Variants in TMED7 observed in about 807,000 individuals in gnomAD.
TMED7 encodes transmembrane emp24 domain-containing protein 7.
In TMED7, 8 loss-of-function variants were observed where a neutral mutation model predicts 23.4. The ratio of observed to expected loss-of-function variants is 0.34; its 90% CI spans 0.20 to 0.62. The LOEUF is 0.62. Among genes scored for constraint, TMED7 ranks in the 20% least tolerant of loss-of-function variants. The pLI is 0.77. For missense variants in TMED7, 232 were observed against 279.1 expected (o/e 0.83, Z 1.20); for synonymous variants, 121 against 108.5 (o/e 1.12, Z -0.72).
rs979484830 is a variant in TMED7 at position 115,614,818 on chromosome 5, T to C, written c.*1391A>G. The C allele has an allele frequency of 6.6e-6, 1 of 152,028 alleles. No individual in the cohort carries two copies. Among genetic ancestry groups the C allele is most frequent in the Non-Finnish European group, 1.5e-5 (1 of 67,954 alleles). The allele number at this position is 152,028 out of a possible 1,614,324, so 9.4% of individuals were successfully genotyped here. On this transcript the variant is annotated 3_prime_UTR_variant, in exon 3 of 3. Coordinates refer to ENST00000456936, the MANE Select transcript of TMED7 (RefSeq NM_181836.6). ...ACTAGGATGGCTATCCAATCAGTAT[T>C]CTATGGTATCACATACCAAAGTCTC...
At chr5:115,622,351 T>C (rs1263535716) in intron 1 of TMED7, among the ~76,000 whole-genome samples, 1 of 152,180 alleles carries the variant, frequency 6.6e-6, no homozygotes, top group East Asian at 1.9e-4. Flanking sequence ...ATCCATATGA[T>C]CACACAAATC....
chr5:115,622,387 T>C (rs1044897879), intron 1 of TMED7, among the ~76,000 whole-genome samples: 1 of 152,186 alleles, frequency 6.6e-6, no homozygotes, highest in Non-Finnish European at 1.5e-5. Context: ...CCCTCTCAAA[T>C]TCATCGCATT....
chr5:115,625,757 G>T lies in TMED7; in HGVS notation c.36C>A (p.Ala12=), dbSNP rs767710452. Residue 12 remains alanine (A), a synonymous_variant, in exon 1 of 3, where the codon GCC becomes GCA. Coordinates refer to ENST00000456936, the MANE Select transcript of TMED7 (RefSeq NM_181836.6). ...PRPGSAQRWA[A]VAGRWGCRLL... ...GCCTGCACCCCCAACGGCCCGCGAC[G>T]GCCGCCCAGCGCTGCGCGGACCCCG... 6 of 1,535,976 alleles carry T rather than the reference G, an allele frequency of 3.9e-6. No individual in the cohort carries two copies. The highest frequency in any genetic ancestry group is 2.6e-5 in the East Asian group (1 of 38,418).
rs537786898 is a variant in TMED7 at position 115,615,317 on chromosome 5, A to C, written c.*892T>G. 2.6e-5 allele frequency: 4 copies of C among 152,718 alleles called. No homozygotes were observed. Among genetic ancestry groups the C allele is most frequent in the African/African-American group, 4.8e-5 (2 of 41,578 alleles). 9.5% of individuals were successfully genotyped at this position (152,718 alleles called of 1,614,324 possible). A position where few individuals can be genotyped will look rare whatever the true frequency, so the allele number is the denominator to read the frequency against. ...TGTGAGACTAATACTAACAATTGTT[A>C]ATTTAAGCTGGGAATGACTCACAGA... On this transcript the variant is annotated 3_prime_UTR_variant, in exon 3 of 3. Transcript: ENST00000456936.
chr5:115,620,452 C>A lies in TMED7; in HGVS notation c.421G>T (p.Val141Phe). The A allele has an allele frequency of 1.3e-6, 2 of 1,543,080 alleles. No homozygotes were observed. The highest frequency in any genetic ancestry group is 1.3e-5 in the South Asian group (1 of 78,896). ...TTATTTACCTGGGTAAGAGCACTGA[C>A]TCGGTTCTCACTAGGAAACAAAGGT... ...DPPLFPSENR[V>F]SALTQMESAC... Residue 141 changes from valine (V) to phenylalanine (F), a missense_variant, in exon 2 of 3, where the codon GTC (valine) becomes TTC (phenylalanine). Val to Phe is a conservative substitution (Grantham distance 50). Coordinates refer to ENST00000456936, the MANE Select transcript of TMED7 (RefSeq NM_181836.6).
At position 115,621,280 on chromosome 5, in the gene TMED7, T is replaced by C. The variant is rs7341161; in HGVS notation, c.193-600A>G. Among the ~76,000 whole-genome samples, 1,348 of 152,318 alleles carry C rather than the reference T, an allele frequency of 8.8e-3. 15 individuals carry two copies. Among genetic ancestry groups the C allele is most frequent in the African/African-American group, 0.031 (1,284 of 41,572 alleles). On this transcript the variant is annotated intron_variant, in intron 1 of 2. Coordinates refer to ENST00000456936, the MANE Select transcript of TMED7 (RefSeq NM_181836.6). Reference sequence around the variant, plus strand: ...CAAATAGATTACATTTATTAAGTTCTTTTATAGTCAGTTATATGGAATTTG... The same window carrying C: ...CAAATAGATTACATTTATTAAGTTCCTTTATAGTCAGTTATATGGAATTTG...
At chr5:115,618,410 T>G (rs146556989) in intron 2 of TMED7, among the ~76,000 whole-genome samples, 1 of 152,224 alleles carries the variant, frequency 6.6e-6, no homozygotes, top group Non-Finnish European at 1.5e-5. Context: ...TGTTTCAAAG[T>G]TGGTTTTCAA....
rs1028982231 is a variant in TMED7, at chr5:115,613,959, A to G, written c.*2250T>C. 6.6e-6 allele frequency: 1 copy of G among 152,564 alleles called. No individual in the cohort carries two copies. The highest frequency in any genetic ancestry group is 2.4e-5 in the African/African-American group (1 of 41,450). 9.5% of individuals were successfully genotyped at this position (152,564 alleles called of 1,614,324 possible). A position where few individuals can be genotyped will look rare whatever the true frequency, so the allele number is the denominator to read the frequency against. On this transcript the variant is annotated 3_prime_UTR_variant, in exon 3 of 3. Coordinates refer to ENST00000456936, the MANE Select transcript of TMED7 (RefSeq NM_181836.6). Reference sequence around the variant, plus strand: ...TACTTTAAAAATATATACAACTATGATGTTCAAATATGTATTCTGAGCCAT... The same window carrying G: ...TACTTTAAAAATATATACAACTATGGTGTTCAAATATGTATTCTGAGCCAT...
chr5:115,623,340 C>T (rs1188155905), intron 1 of TMED7, among the ~76,000 whole-genome samples: 3 of 152,206 alleles, frequency 2.0e-5, no homozygotes, highest in Admixed American at 2.0e-4. Context: ...AGGCATATTC[C>T]TGCTACGCAG....
At chr5:115,622,776 T>C (rs1216069699) in intron 1 of TMED7, among the ~76,000 whole-genome samples, 1 of 152,232 alleles carries the variant, frequency 6.6e-6, no homozygotes. Context: ...TCACATGTTC[T>C]TCCTCCCAGG....
Position 115,616,353 on chromosome 5 carries a change from G to C in TMED7, c.531C>G (p.Ser177Arg). The C allele has an allele frequency of 1.2e-6, 2 of 1,614,142 alleles. No individual in the cohort carries two copies. The highest frequency in any genetic ancestry group is 1.7e-6 in the Non-Finnish European group (2 of 1,180,002). ...CTCTTGTATTTAGATCCTCTGCTCG[G>C]CTTCGGCCTTGAGCTTCTCTTAAAC... The part of the protein sequence containing the change: ...HFRLREAQGR[S>R]RAEDLNTRVA... The change falls in exon 3 of 3, where the codon AGC becomes AGG. Residue 177 changes from serine (S) to arginine (R), a missense_variant. Transcript: ENST00000456936.
chr5:115,619,298 A>G (rs1217937409), intron 2 of TMED7: 1 of 152,212 alleles, frequency 6.6e-6, no homozygotes, highest in East Asian at 1.9e-4. Context: ...GTATTTGAAT[A>G]TATCTTGCTA....
In TMED7 at chr5:115,613,217, C is replaced by T. The variant is rs1401530530; in HGVS notation, c.*2992G>A. 6.6e-6 allele frequency among the ~76,000 whole-genome samples: 1 copy of T among 152,096 alleles called. No homozygotes were observed. The highest frequency in any genetic ancestry group is 1.9e-4 in the East Asian group (1 of 5,198). ...AACACTGATACAACTGGGTAATATA[C>T]AAACTAAAGGTAATTTACTTAAAAA... On this transcript the variant is annotated 3_prime_UTR_variant, in exon 3 of 3. Coordinates refer to ENST00000456936, the MANE Select transcript of TMED7 (RefSeq NM_181836.6).
At chr5:115,624,787 T>C (rs533501409) in intron 1 of TMED7, among the ~76,000 whole-genome samples, 2 of 152,336 alleles carry the variant, frequency 1.3e-5, no homozygotes, top group South Asian at 2.1e-4. Flanking sequence ...TAAAATAATT[T>C]TCCAAAGGAA....
intron 2 of TMED7, among the ~76,000 whole-genome samples, chr5:115,617,899 TTCTCCTGCCTCAG>T (rs1756847847): frequency 6.6e-6 from 1 of 152,202 alleles, no homozygotes; most frequent in African/African-American, 2.4e-5. Flanking sequence ...GTTCAAGTGA[TTCTCCTGCCTCAG>T]CCTCCTGAGT....
At chr5:115,621,572 T>C (rs993979981) in intron 1 of TMED7, among the ~76,000 whole-genome samples, 2 of 152,182 alleles carry the variant, frequency 1.3e-5, no homozygotes, top group African/African-American at 2.4e-5. Context: ...GTGGAACTAC[T>C]TTCCACGGCT....
chr5:115,620,888 T>C (rs1757005977), intron 1 of TMED7, among the ~76,000 whole-genome samples: 2 of 152,208 alleles, frequency 1.3e-5, no homozygotes, highest in South Asian at 4.1e-4. Context: ...TTTTATTCAC[T>C]TTGAACTAGC....
intron 1 of TMED7, among the ~76,000 whole-genome samples, chr5:115,623,190 G>A (rs145840981): frequency 1.6e-4 from 25 of 152,278 alleles, no homozygotes; most frequent in African/African-American, 6.0e-4. Context: ...GGGCTCCTTC[G>A]GCTTCCCTTT....
intron 2 of TMED7, 111 bp from the exon 3 acceptor site, chr5:115,616,556 A>G (rs1230662017): frequency 6.8e-7 from 1 of 1,478,218 alleles, no homozygotes; most frequent in African/African-American, 1.4e-5. Context: ...CTAACATGCT[A>G]CTAATCTGGC....
Sources: gnomAD v4.1 joint callset for allele counts (sites outside exome capture counted in the v4.1 genomes callset) on GRCh38, gnomAD v4.1.1 for gene constraint, MANE v1.5 for transcripts, NCBI Gene and HGNC (gene_info 2026-07-23, HGNC 2026-07-21) for gene names.